Variants in AGBL1 observed in about 807,000 individuals in gnomAD.
AGBL1 encodes the protein AGBL carboxypeptidase 1.
Under a neutral mutation model 118.9 loss-of-function variants are expected in AGBL1, and 130 were observed. The ratio of observed to expected loss-of-function variants is 1.09; its 90% CI spans 0.95 to 1.26. AGBL1 has a LOEUF of 1.26. Among genes scored for constraint, AGBL1 ranks in the 50% most tolerant of loss-of-function variants. The probability of loss-of-function intolerance (pLI) is 0.00; values close to 1 mark genes in which losing one functional copy is unlikely to be tolerated. For missense variants in AGBL1, 1,584 were observed against 1,298.1 expected (o/e 1.22, Z -3.38); for synonymous variants, 555 against 478.9 (o/e 1.16, Z -2.08).
intron 22 of AGBL1, among the ~76,000 whole-genome samples, chr15:86,868,169 A>G (rs184625502): frequency 3.4e-4 from 52 of 152,330 alleles, no homozygotes; most frequent in Middle Eastern, 6.8e-3. Context: ...TGAAACGTAC[A>G]TGAAAAAAAA....
intron 17 of AGBL1, among the ~76,000 whole-genome samples, chr15:86,332,511 C>A (rs1358664028): frequency 6.6e-6 from 1 of 151,876 alleles, no homozygotes; most frequent in Non-Finnish European, 1.5e-5. Flanking sequence ...CTGGGCGTGG[C>A]AACAGGCGCC....
At chr15:86,451,331 AG>A (rs2082189725) in intron 18 of AGBL1, among the ~76,000 whole-genome samples, 1 of 152,216 alleles carries the variant, frequency 6.6e-6, no homozygotes, top group African/African-American at 2.4e-5. Context: ...AGACATCTAA[AG>A]TGTAGGAAGT....
At chr15:86,089,120 A>G (rs1351725262) in intron 1 of AGBL1, among the ~76,000 whole-genome samples, 3 of 152,250 alleles carry the variant, frequency 2.0e-5, no homozygotes, top group Non-Finnish European at 4.4e-5. Flanking sequence ...CTAGTATTTC[A>G]TAGGACATTA....
In AGBL1 at chr15:86,410,835, T is replaced by TAAA. The variant is rs1567242828; in HGVS notation, c.2555+13290_2555+13291insAAA. Among the ~76,000 whole-genome samples the TAAA allele has an allele frequency of 3.3e-4, 34 of 102,594 alleles. No individual in the cohort carries two copies. The South Asian group carries it at 4.6e-3, about 14-fold the overall frequency. 67.3% of individuals were successfully genotyped at this position (102,594 alleles called of 152,430 possible). On this transcript the variant is annotated intron_variant, in intron 18 of 22. Transcript: ENST00000614907. ...ATATATATATATATATATATATATA[T>TAAA]ATATATAATATACTATTTTATATAT...
chr15:86,726,280 T>G (rs1474123776), intron 22 of AGBL1, among the ~76,000 whole-genome samples: 4 of 152,114 alleles, frequency 2.6e-5, no homozygotes, highest in African/African-American at 7.2e-5. Context: ...AGATGCAAGA[T>G]CTGGAAAAGG....
chr15:86,963,276 T>C (rs1029368564), intron 23 of AGBL1, among the ~76,000 whole-genome samples: 6 of 152,114 alleles, frequency 3.9e-5, no homozygotes, highest in Non-Finnish European at 5.9e-5. Flanking sequence ...CACGGCTACA[T>C]TGACACGTAG....
chr15:86,326,004 A>T (rs2080177710), intron 17 of AGBL1, among the ~76,000 whole-genome samples: 1 of 152,142 alleles, frequency 6.6e-6, no homozygotes, highest in South Asian at 2.1e-4. Flanking sequence ...TCCAGATATG[A>T]TCATGTAAGT....
chr15:86,612,661 T>C (rs1044024862), intron 21 of AGBL1, among the ~76,000 whole-genome samples: 89 of 152,352 alleles, frequency 5.8e-4, no homozygotes, highest in African/African-American at 2.1e-3. Context: ...TTCTTTGACG[T>C]ATTTTGAAAT....
chr15:86,429,222 T>C (rs1222694885), intron 18 of AGBL1, among the ~76,000 whole-genome samples: 1 of 152,172 alleles, frequency 6.6e-6, no homozygotes, highest in Non-Finnish European at 1.5e-5. Flanking sequence ...AAAACAAATA[T>C]GCAATGGTAT....
intron 22 of AGBL1, among the ~76,000 whole-genome samples, chr15:86,878,440 A>G (rs2079845077): frequency 1.3e-5 from 2 of 152,232 alleles, no homozygotes; most frequent in South Asian, 4.1e-4. Context: ...TGTTCTGGAG[A>G]AAAATACTCT....
At chr15:86,803,100 T>G (rs1273699599) in intron 22 of AGBL1, among the ~76,000 whole-genome samples, 2 of 152,114 alleles carry the variant, frequency 1.3e-5, no homozygotes. Flanking sequence ...AGAATTTAGA[T>G]TTGTTTCATA....
chr15:86,206,246 G>A (rs185114186), intron 5 of AGBL1, among the ~76,000 whole-genome samples: 147 of 152,166 alleles, frequency 9.7e-4, no homozygotes, highest in African/African-American at 3.4e-3. Flanking sequence ...CACGTTTTTG[G>A]TATTGTGAAT....
At chr15:86,489,559 G>A (rs187491679) in intron 18 of AGBL1, among the ~76,000 whole-genome samples, 279 of 152,236 alleles carry the variant, frequency 1.8e-3, no homozygotes, top group Non-Finnish European at 3.5e-3. Context: ...CTTCTATCTG[G>A]CATTCGGGTC....
intron 17 of AGBL1, among the ~76,000 whole-genome samples, chr15:86,311,735 C>T (rs1179025862): frequency 6.6e-6 from 1 of 152,158 alleles, no homozygotes; most frequent in Non-Finnish European, 1.5e-5. Flanking sequence ...CCAACATCAA[C>T]ACCAGAAAGC....
chr15:86,265,161 T>G (rs2079052915), intron 11 of AGBL1, among the ~76,000 whole-genome samples: 1 of 152,238 alleles, frequency 6.6e-6, no homozygotes, highest in African/African-American at 2.4e-5. Flanking sequence ...CTGGGCTCCT[T>G]CCTCAAAAGT....
chr15:86,343,472 G>A (rs1715043309), intron 17 of AGBL1, among the ~76,000 whole-genome samples: 1 of 152,130 alleles, frequency 6.6e-6, no homozygotes, highest in Admixed American at 6.5e-5. Context: ...CCAGTTTCAT[G>A]TGCTGTTTCC....
intron 21 of AGBL1, among the ~76,000 whole-genome samples, chr15:86,623,076 G>A (rs957118339): frequency 2.6e-5 from 4 of 152,314 alleles, no homozygotes; most frequent in East Asian, 3.9e-4. Flanking sequence ...TAATGCAAGC[G>A]ATGGGAGGTG....
intron 24 of AGBL1, chr15:87,028,747 T>A (rs1401726652): frequency 2.8e-6 from 4 of 1,412,064 alleles, no homozygotes; most frequent in Non-Finnish European, 4.0e-6. Flanking sequence ...AAAAGGTCAA[T>A]TTGCCAAACT....
intron 22 of AGBL1, among the ~76,000 whole-genome samples, chr15:86,761,334 A>G (rs936253153): frequency 6.6e-6 from 1 of 152,074 alleles, no homozygotes; most frequent in Non-Finnish European, 1.5e-5. Flanking sequence ...TAAGGATTTA[A>G]TTTTACTGGT....
Sources: gnomAD v4.1 joint callset for allele counts (sites outside exome capture counted in the v4.1 genomes callset) on GRCh38, gnomAD v4.1.1 for gene constraint, MANE v1.5 for transcripts, NCBI Gene and HGNC (gene_info 2026-07-23, HGNC 2026-07-21) for gene names.